URB1: variants seen among roughly 807,000 people sequenced by gnomAD.
URB1 encodes the protein nucleolar pre-ribosomal-associated protein 1.
A neutral mutation model predicts 242.3 loss-of-function variants in URB1; 197 were observed. That is an observed-to-expected ratio of 0.81 (90% CI 0.72 to 0.91). URB1 has a LOEUF of 0.91. Among genes scored for constraint, URB1 ranks in the 40% least tolerant of loss-of-function variants. The pLI is 0.00. For synonymous variants in URB1, 1,153 were observed against 1,201.8 expected (o/e 0.96, Z 0.84); for missense variants, 2,721 against 2,860.5 (o/e 0.95, Z 1.11).
At position 32,383,513 on chromosome 21, in the gene URB1, G is replaced by C. The variant is rs2033549582; in HGVS notation, c.476C>G (p.Thr159Ser). The C allele has an allele frequency of 6.4e-7, 1 of 1,551,466 alleles. No homozygotes were observed. Residue 159 changes from threonine (T) to serine (S), a missense_variant, in exon 4 of 39, where the codon ACC becomes AGC. Physicochemically the swap from Thr to Ser is moderately conservative, Grantham distance 58 (BLOSUM62 1). Coordinates refer to ENST00000382751, the MANE Select transcript of URB1 (RefSeq NM_014825.3). ...ACLSLMTAMVTQGPEAARDVC... is the reference protein window; with the variant it reads ...ACLSLMTAMVSQGPEAARDVC... ...GTCCCTGGCAGCTTCCGGACCCTGG[G>C]TCACCATGGCGGTCATCAGGCTCAG...
At chr21:32,377,437 A>T (rs999908372) in intron 5 of URB1, 2 of 396,322 alleles carry the variant, frequency 5.0e-6, no homozygotes, top group African/African-American at 4.4e-5. Context: ...TCACTGAATA[A>T]AAGGCCAGAC....
intron 4 of URB1, among the ~76,000 whole-genome samples, chr21:32,381,996 C>T (rs1350083828): frequency 1.3e-5 from 2 of 152,172 alleles, no homozygotes; most frequent in Admixed American, 6.5e-5. Flanking sequence ...AGTAAAAACA[C>T]TTTCAACTTG....
chr21:32,346,967 CGT>C lies in URB1; in HGVS notation c.3855_3856del (p.Arg1286ProfsTer26). The C allele has an allele frequency of 6.6e-7, 1 of 1,512,128 alleles. No individual in the cohort carries two copies. The highest frequency in any genetic ancestry group is 8.9e-7 in the Non-Finnish European group (1 of 1,120,704). The allele number at this position is 1,512,128 out of a possible 1,614,324, so 93.7% of individuals were successfully genotyped here. A position where few individuals can be genotyped will look rare whatever the true frequency, so the allele number is the denominator to read the frequency against. ...AGCCTTTCCCTTACCTCCTGCTGGG[CGT>C]GTGAAGTGGCTCCGTGTCCTGCACT... is the stretch of plus-strand genomic sequence containing the variant. On this transcript the variant is annotated frameshift_variant, in exon 22 of 39. Coordinates refer to ENST00000382751, the MANE Select transcript of URB1 (RefSeq NM_014825.3). LOFTEE classifies it high-confidence loss of function.
In URB1 at chr21:32,314,839, T is replaced by C; in HGVS notation, c.*79A>G. The C allele has an allele frequency of 6.6e-7, 1 of 1,511,854 alleles. No homozygotes were observed. Among genetic ancestry groups the C allele is most frequent in the East Asian group, 2.5e-5 (1 of 40,510 alleles). 93.7% of individuals were successfully genotyped at this position (1,511,854 alleles called of 1,614,324 possible). On this transcript the variant is annotated 3_prime_UTR_variant, in exon 39 of 39. Coordinates refer to ENST00000382751, the MANE Select transcript of URB1 (RefSeq NM_014825.3). ...TTCCCATGCCTTCTCTGGAAACCCT[T>C]GACTCAACCAAACTTCTAGAAGCTG...
rs1306558378 is a variant in URB1, at chr21:32,319,412, A to C, written c.5597T>G (p.Phe1866Cys). ...TWILHILESKFLETPLLSNVI... is the reference protein window; with the variant it reads ...TWILHILESKCLETPLLSNVI... ...ATTAGACAGCAGCGGAGTCTCCAGA[A>C]ACCTAAAACCAAGCACAACAGCCTT... The change falls in exon 36 of 39, where the codon TTT (phenylalanine) becomes TGT (cysteine). Residue 1866 changes from phenylalanine (F) to cysteine (C), a missense_variant and splice_region_variant. Coordinates refer to ENST00000382751, the MANE Select transcript of URB1 (RefSeq NM_014825.3). 4 of 1,511,950 alleles carry C rather than the reference A, an allele frequency of 2.6e-6. No individual in the cohort carries two copies. In the Admixed American group the frequency reaches 7.0e-5, roughly 27 times the overall value. 93.7% of individuals were successfully genotyped at this position (1,511,950 alleles called of 1,614,324 possible). A position where few individuals can be genotyped will look rare whatever the true frequency, so the allele number is the denominator to read the frequency against.
In URB1 at chr21:32,349,292, C is replaced by T; in HGVS notation, c.3012+12G>A. On this transcript the variant is annotated intron_variant, in intron 21 of 38. Transcript: ENST00000382751. ...CTCTGAGAATAGGCTACCAGGCAAC[C>T]TGTGGCGGTACCTGATCATTGGCCA... is the stretch of plus-strand genomic sequence containing the variant. 6.6e-7 allele frequency: 1 copy of T among 1,523,858 alleles called. No homozygotes were observed. The highest frequency in any genetic ancestry group is 1.3e-5 in the South Asian group (1 of 79,346). The allele number at this position is 1,523,858 out of a possible 1,614,324, so 94.4% of individuals were successfully genotyped here. A position where few individuals can be genotyped will look rare whatever the true frequency, so the allele number is the denominator to read the frequency against.
At chr21:32,373,815 A>T (rs533808655) in intron 6 of URB1, 43 bp from the exon 7 acceptor site, 604 of 1,453,410 alleles carry the variant, frequency 4.2e-4, no homozygotes, top group Non-Finnish European at 5.3e-4. Context: ...CAAATTATGA[A>T]AAAGTTCATG....
chr21:32,334,369 G>A, intron 28 of URB1, 35 bp from the exon 29 acceptor site: 1 of 1,519,202 alleles, frequency 6.6e-7, no homozygotes, highest in Admixed American at 2.1e-5. Flanking sequence ...ACTGGTCACA[G>A]AGCCCCCCGG....
chr21:32,317,982 C>A (rs2070380), intron 36 of URB1, 65 bp from the exon 37 acceptor site: 1,053,054 of 1,534,108 alleles, frequency 0.69, 378,527 homozygotes, highest in Non-Finnish European at 0.75. Context: ...GTCAGCACTG[C>A]GGCACCCTGA....
intron 1 of URB1, among the ~76,000 whole-genome samples, chr21:32,388,581 TG>T (rs2033607462): frequency 6.6e-6 from 1 of 152,192 alleles, no homozygotes; most frequent in Admixed American, 6.5e-5. Context: ...CGTGGTCTGG[TG>T]GTGATTATGA....
intron 1 of URB1, among the ~76,000 whole-genome samples, chr21:32,386,123 T>C (rs2033581436): frequency 6.9e-6 from 1 of 145,710 alleles, no homozygotes; most frequent in Non-Finnish European, 1.5e-5. Context: ...CACCCCAGCC[T>C]AGGTGACAGA....
At chr21:32,349,106 C>CA (rs2033126449) in intron 21 of URB1, among the ~76,000 whole-genome samples, 198 bp downstream of exon 21, 1 of 152,266 alleles carries the variant, frequency 6.6e-6, no homozygotes, top group African/African-American at 2.4e-5. Flanking sequence ...TGACTGTACA[C>CA]AGAAAAGCAA....
chr21:32,314,732 G>A lies in URB1; in HGVS notation c.*186C>T. ...TGATGCTGGGCACCTACAGGCCCGA[G>A]TTTATCATTTACTGGGCAGTTCAAT... is the stretch of plus-strand genomic sequence containing the variant. On this transcript the variant is annotated 3_prime_UTR_variant, in exon 39 of 39. Coordinates refer to ENST00000382751, the MANE Select transcript of URB1 (RefSeq NM_014825.3). The A allele has an allele frequency of 6.7e-7, 1 of 1,500,640 alleles. No homozygotes were observed. 93.0% of individuals were successfully genotyped at this position (1,500,640 alleles called of 1,614,324 possible).
intron 24 of URB1, 137 bp downstream of exon 24, chr21:32,344,433 G>C (rs1159219469): frequency 1.1e-6 from 1 of 914,888 alleles, no homozygotes; most frequent in Non-Finnish European, 1.6e-6. Flanking sequence ...CTGCCACTCT[G>C]CCCCAGACAC....
rs555149656 is a variant in URB1 at position 32,334,792 on chromosome 21, G to A, written c.4686-458C>T. Among the ~76,000 whole-genome samples, 8 of 152,262 alleles carry A rather than the reference G, an allele frequency of 5.3e-5. No homozygotes were observed. The South Asian group carries it at 6.2e-4, about 12-fold the overall frequency. ...TCCTGAGTCCATGCTAGAACATAGC[G>A]GCAGAATTCTGATCTCTCACTGCTC... On this transcript the variant is annotated intron_variant, in intron 28 of 38. Transcript: ENST00000382751.
Position 32,338,839 on chromosome 21 carries a change from T to C in URB1, c.4378A>G (p.Ser1460Gly). 1.3e-6 allele frequency: 2 copies of C among 1,551,794 alleles called. No homozygotes were observed. Among genetic ancestry groups the C allele is most frequent in the East Asian group, 2.4e-5 (1 of 40,902 alleles). The change falls in exon 26 of 39, where the codon AGC becomes GGC. Residue 1460 changes from serine to glycine, a missense_variant. Transcript: ENST00000382751. ...MLLTAVQLLYSPESSVRTKLI... is the reference protein window; with the variant it reads ...MLLTAVQLLYGPESSVRTKLI... Reference sequence around the variant, plus strand: ...TTCGTGCGCACGGAGCTTTCTGGGCTGTACAGGAGCTGTACGGCGGTGAGG... The same window carrying C: ...TTCGTGCGCACGGAGCTTTCTGGGCCGTACAGGAGCTGTACGGCGGTGAGG...
chr21:32,356,904 T>C (rs898648048), intron 15 of URB1, among the ~76,000 whole-genome samples: 2 of 152,210 alleles, frequency 1.3e-5, no homozygotes, highest in African/African-American at 4.8e-5. Flanking sequence ...GGTCAAGACT[T>C]AGACTGCCAC....
At chr21:32,335,688 T>TG (rs1459955333) in intron 28 of URB1, 1 of 152,576 alleles carries the variant, frequency 6.6e-6, no homozygotes, top group Non-Finnish European at 1.5e-5. Flanking sequence ...AGAGAGCCCA[T>TG]GCGCCAGGCA....
intron 22 of URB1, among the ~76,000 whole-genome samples, chr21:32,345,867 G>A (rs1163383180): frequency 1.3e-5 from 2 of 152,182 alleles, no homozygotes; most frequent in African/African-American, 4.8e-5. Context: ...GAGACCATGA[G>A]TGCCAAGGTT....
Sources: allele counts gnomAD v4.1 joint callset (sites outside exome capture counted in the v4.1 genomes callset), GRCh38; gene constraint gnomAD v4.1.1; transcripts MANE v1.5; gene names NCBI Gene and HGNC (gene_info 2026-07-23, HGNC 2026-07-21).